Variants in ARHGAP15 observed in about 807,000 individuals in gnomAD.
ARHGAP15 encodes the protein Rho GTPase activating protein 15, also known as rho GTPase-activating protein 15.
A neutral mutation model predicts 63.7 loss-of-function variants in ARHGAP15; 51 were observed. The observed-to-expected ratio is 0.80, with a 90% confidence interval of 0.64 to 1.01. ARHGAP15 has a LOEUF of 1.01. Ranked by LOEUF, ARHGAP15 falls within the 50% of genes least tolerant of loss-of-function variation. The probability of loss-of-function intolerance (pLI) is 0.00; values close to 1 mark genes in which losing one functional copy is unlikely to be tolerated. For synonymous variants in ARHGAP15, 191 were observed against 193.8 expected (o/e 0.99, Z 0.12); for missense variants, 560 against 564.6 (o/e 0.99, Z 0.08).
intron 7 of ARHGAP15, 136 bp downstream of exon 7, chr2:143,435,835 T>A: frequency 1.1e-6 from 1 of 884,490 alleles, no homozygotes; most frequent in Non-Finnish European, 1.6e-6. Context: ...TTAGTTTAAA[T>A]AGAATCTACT....
At chr2:143,612,196 T>C (rs1698281991) in intron 11 of ARHGAP15, among the ~76,000 whole-genome samples, 1 of 152,204 alleles carries the variant, frequency 6.6e-6, no homozygotes, top group Non-Finnish European at 1.5e-5. Context: ...ATCATTCACC[T>C]TTGCACTGGT....
At chr2:143,393,053 A>G (rs1687602251) in intron 6 of ARHGAP15, among the ~76,000 whole-genome samples, 1 of 152,110 alleles carries the variant, frequency 6.6e-6, no homozygotes, top group African/African-American at 2.4e-5. Flanking sequence ...TATAAAATAC[A>G]TTGTTTACAA....
At chr2:143,587,735 G>A in intron 11 of ARHGAP15, 1 of 470,674 alleles carries the variant, frequency 2.1e-6, no homozygotes, top group South Asian at 1.6e-5. Flanking sequence ...GAGACCTGTG[G>A]ACACCCCTAG....
chr2:143,438,944 C>CA (rs1689736471), intron 8 of ARHGAP15, among the ~76,000 whole-genome samples: 1 of 151,736 alleles, frequency 6.6e-6, no homozygotes, highest in African/African-American at 2.4e-5. Context: ...TAAAGGTTTG[C>CA]AAAAATGTAT....
At chr2:143,743,238 C>T (rs778028934) in intron 13 of ARHGAP15, among the ~76,000 whole-genome samples, 1 of 152,140 alleles carries the variant, frequency 6.6e-6, no homozygotes, top group South Asian at 2.1e-4. Flanking sequence ...GGTTTTTCGT[C>T]TCTAAAATGG....
chr2:143,464,258 A>G (rs1691096938), intron 8 of ARHGAP15, among the ~76,000 whole-genome samples: 2 of 152,208 alleles, frequency 1.3e-5, no homozygotes, highest in African/African-American at 2.4e-5. Context: ...TATTTATTAA[A>G]TTGATAGAGA....
At chr2:143,441,907 C>A (rs1004947016) in intron 8 of ARHGAP15, among the ~76,000 whole-genome samples, 2 of 152,038 alleles carry the variant, frequency 1.3e-5, no homozygotes, top group Non-Finnish European at 2.9e-5. Flanking sequence ...ATGACATGTG[C>A]AATAAGGGTA....
chr2:143,138,198 A>G (rs553485812), intron 1 of ARHGAP15, among the ~76,000 whole-genome samples: 20 of 150,992 alleles, frequency 1.3e-4, no homozygotes, highest in Middle Eastern at 6.8e-3. Flanking sequence ...AGAATTTTGC[A>G]TGCATAATTG....
At chr2:143,550,798 A>T (rs919107940) in intron 10 of ARHGAP15, among the ~76,000 whole-genome samples, 1 of 152,218 alleles carries the variant, frequency 6.6e-6, no homozygotes, top group Non-Finnish European at 1.5e-5. Flanking sequence ...TTTAAAAAAT[A>T]GTGGCTATTA....
intron 8 of ARHGAP15, among the ~76,000 whole-genome samples, chr2:143,483,616 A>G (rs1034241742): frequency 1.3e-5 from 2 of 152,216 alleles, no homozygotes; most frequent in Non-Finnish European, 2.9e-5. Context: ...ATACAGACCT[A>G]TGGGACTTTG....
chr2:143,334,211 T>A (rs1316522765), intron 6 of ARHGAP15, among the ~76,000 whole-genome samples: 1 of 152,188 alleles, frequency 6.6e-6, no homozygotes, highest in Non-Finnish European at 1.5e-5. Flanking sequence ...CAATCACAGA[T>A]CTCTCTAATT....
At chr2:143,705,871 G>A (rs1330226492) in intron 13 of ARHGAP15, among the ~76,000 whole-genome samples, 1 of 151,992 alleles carries the variant, frequency 6.6e-6, no homozygotes, top group Non-Finnish European at 1.5e-5. Flanking sequence ...CCATGTCCAG[G>A]CCACATAATC....
At chr2:143,253,019 A>G (rs1680233290) in intron 6 of ARHGAP15, among the ~76,000 whole-genome samples, 1 of 152,102 alleles carries the variant, frequency 6.6e-6, no homozygotes, top group Non-Finnish European at 1.5e-5. Flanking sequence ...ACTGAAAAAG[A>G]CCATCATAGC....
intron 5 of ARHGAP15, among the ~76,000 whole-genome samples, chr2:143,233,578 G>A (rs1693529684): frequency 6.6e-6 from 1 of 150,470 alleles, no homozygotes; most frequent in African/African-American, 2.4e-5. Context: ...TTCCTGCCTG[G>A]ATTGTTATGC....
intron 9 of ARHGAP15, among the ~76,000 whole-genome samples, chr2:143,497,828 C>G (rs10928180): frequency 0.07 from 10,701 of 152,096 alleles, 569 homozygotes; most frequent in East Asian, 0.22. Flanking sequence ...ATTTTCCATG[C>G]TATTCAAGGA....
At chr2:143,373,649 A>AAAAAAAAAAAAAAAAAC (rs1558928209) in intron 6 of ARHGAP15, among the ~76,000 whole-genome samples, 1 of 127,800 alleles carries the variant, frequency 7.8e-6, no homozygotes. Flanking sequence ...AAAAAAAAAA[A>AAAAAAAAAAAAAAAAAC]AAAAAAAAAA....
intron 12 of ARHGAP15, among the ~76,000 whole-genome samples, chr2:143,626,554 C>T (rs1248583988): frequency 6.6e-6 from 1 of 152,108 alleles, no homozygotes; most frequent in Non-Finnish European, 1.5e-5. Flanking sequence ...TGGAAGGGGA[C>T]CCCAGCGGGT....
intron 12 of ARHGAP15, among the ~76,000 whole-genome samples, chr2:143,647,680 A>G (rs548205224): frequency 6.6e-6 from 1 of 152,118 alleles, no homozygotes; most frequent in African/African-American, 2.4e-5. Context: ...TTAATTCTGT[A>G]CTTATTCTGT....
intron 8 of ARHGAP15, among the ~76,000 whole-genome samples, chr2:143,445,153 A>ACTTTTTTTTTTTTTTTTTTTTTTTTTTTT (rs765945989): frequency 1.3e-5 from 1 of 74,426 alleles, no homozygotes; most frequent in African/African-American, 5.4e-5. Context: ...AAGAACAATT[A>ACTTTTTTTTTTTTTTTTTTTTTTTTTTTT]TTTTTTTTTT....
Sources: allele counts gnomAD v4.1 joint callset (sites outside exome capture counted in the v4.1 genomes callset), GRCh38; gene constraint gnomAD v4.1.1; transcripts MANE v1.5; gene names NCBI Gene and HGNC (gene_info 2026-07-23, HGNC 2026-07-21).